ABHD2: variants seen among roughly 807,000 people sequenced by gnomAD.
ABHD2 encodes monoacylglycerol lipase ABHD2.
A neutral mutation model predicts 48.1 loss-of-function variants in ABHD2; 20 were observed. The ratio of observed to expected loss-of-function variants is 0.42; its 90% CI spans 0.29 to 0.60. The LOEUF (loss-of-function observed/expected upper bound fraction) is 0.60. Among genes scored for constraint, ABHD2 ranks in the 20% least tolerant of loss-of-function variants. The pLI is 0.24. For synonymous variants in ABHD2, 209 were observed against 214.2 expected (o/e 0.98, Z 0.21); for missense variants, 405 against 550.9 (o/e 0.74, Z 2.65).
At position 89,185,999 on chromosome 15, in the gene ABHD2, T is replaced by A. The variant is rs759251022; in HGVS notation, c.815+483T>A. ...AGAAAAGAAACCTGTCCCAAGCTAC[T>A]GAATTTGCCAAATTGCCTTATGCTT... On this transcript the variant is annotated intron_variant, in intron 7 of 10. Transcript: ENST00000352732. This position sits in a 1 kb window ranked among gnomAD's most constrained non-coding sequence, Gnocchi z 5.9. Among the ~76,000 whole-genome samples the A allele has an allele frequency of 6.6e-6, 1 of 152,212 alleles. No homozygotes were observed. Among genetic ancestry groups the A allele is most frequent in the Non-Finnish European group, 1.5e-5 (1 of 68,038 alleles).
the ABHD2 span, chr15:89,075,360 T>C: frequency 1.3e-5 from 2 of 152,144 alleles, no homozygotes; most frequent in Admixed American, 6.6e-5. This position sits in a 1 kb window ranked among gnomAD's most constrained non-coding sequence, Gnocchi z 4.1. Flanking sequence ...ATGGATGGAG[T>C]GAGCTTGCAG....
the ABHD2 span, among the ~76,000 whole-genome samples, chr15:89,074,420 G>A: frequency 1.9e-4 from 29 of 151,838 alleles, no homozygotes; most frequent in African/African-American, 7.0e-4. Context: ...CAATTCTGAT[G>A]CCAGTGTTCT....
chr15:89,078,381 A>T, the ABHD2 span, among the ~76,000 whole-genome samples: 1 of 152,244 alleles, frequency 6.6e-6, no homozygotes, highest in East Asian at 1.9e-4. Flanking sequence ...GGGACCCCAA[A>T]CTCACTATGT....
At chr15:89,056,907 CCTTT>C in the ABHD2 span, among the ~76,000 whole-genome samples, 2 of 119,094 alleles carry the variant, frequency 1.7e-5, no homozygotes, top group Non-Finnish European at 1.8e-5. Context: ...ATAAGTGATA[CCTTT>C]TTTTTTTTTT....
In ABHD2 at chr15:89,141,720, C is replaced by T. The variant is rs368999226; in HGVS notation, c.195-9957C>T. ...TGTTGTTTAGTACTTGCCTGAGCCC[C>T]AGAACTTGGTCTCTTTACCCTTTCT... On this transcript the variant is annotated intron_variant, in intron 3 of 10. Coordinates refer to ENST00000352732, the MANE Select transcript of ABHD2 (RefSeq NM_152924.5). Among the ~76,000 whole-genome samples the T allele has an allele frequency of 2.4e-3, 372 of 152,310 alleles. 1 individual carries two copies. The highest frequency in any genetic ancestry group is 8.4e-3 in the African/African-American group (351 of 41,548).
chr15:89,117,649 G>A (rs573445466), intron 3 of ABHD2, among the ~76,000 whole-genome samples: 3 of 152,328 alleles, frequency 2.0e-5, no homozygotes, highest in East Asian at 1.9e-4. Flanking sequence ...AAGTGTGTCC[G>A]TTCAGCACAT....
the ABHD2 span, among the ~76,000 whole-genome samples, chr15:89,064,519 C>T: frequency 7.9e-5 from 12 of 152,096 alleles, no homozygotes; most frequent in South Asian, 2.1e-4. Context: ...TGAGCTATCG[C>T]GCCCGGCCAA....
At chr15:89,075,744 G>C in the ABHD2 span, among the ~76,000 whole-genome samples, 1 of 152,196 alleles carries the variant, frequency 6.6e-6, no homozygotes, top group African/African-American at 2.4e-5. The surrounding 1 kb of genome is among the most constrained non-coding windows in gnomAD (Gnocchi z 4.1). Flanking sequence ...AACCACCAGG[G>C]AAGAGGGTAT....
intron 3 of ABHD2, among the ~76,000 whole-genome samples, chr15:89,143,091 C>T (rs180721311): frequency 1.4e-3 from 217 of 152,134 alleles, no homozygotes; most frequent in Non-Finnish European, 2.7e-3. Context: ...AGTCATTAAT[C>T]GTTTTTTTGT....
Position 89,190,000 on chromosome 15 carries a change from C to T in ABHD2, c.927-1080C>T, listed in dbSNP as rs143233855. Among the ~76,000 whole-genome samples, 4 of 152,176 alleles carry T rather than the reference C, an allele frequency of 2.6e-5. No individual in the cohort carries two copies. The highest frequency in any genetic ancestry group is 3.9e-4 in the East Asian group (2 of 5,176). Reference sequence around the variant, plus strand: ...ATTTCCTGCCTGCTGAGACTGCAAACGAACTGATTTCACAAGGACAGGCAT... The same window carrying T: ...ATTTCCTGCCTGCTGAGACTGCAAATGAACTGATTTCACAAGGACAGGCAT... On this transcript the variant is annotated intron_variant, in intron 8 of 10. Transcript: ENST00000352732. This position sits in a 1 kb window ranked among gnomAD's most constrained non-coding sequence, Gnocchi z 4.9.
the ABHD2 span, among the ~76,000 whole-genome samples, chr15:89,068,754 CTTTTTTTTTTTTTT>C: frequency 5.9e-4 from 42 of 71,388 alleles, no homozygotes; most frequent in African/African-American, 2.1e-3. Flanking sequence ...CAAGCTTCCT[CTTTTTTTTTTTTTT>C]TTTTTTTTTT....
the ABHD2 span, among the ~76,000 whole-genome samples, chr15:89,074,351 G>T: frequency 6.6e-6 from 1 of 152,068 alleles, no homozygotes; most frequent in Non-Finnish European, 1.5e-5. Context: ...ATCCAGCCTG[G>T]GGGGCAAGAG....
rs1313426390 is a variant in ABHD2, at chr15:89,202,079, G to A, written c.*6656G>A. The A allele has an allele frequency of 3.6e-5, 10 of 279,814 alleles. No homozygotes were observed. The highest frequency in any genetic ancestry group is 6.1e-5 in the Non-Finnish European group (9 of 147,588). The allele number at this position is 279,814 out of a possible 1,614,324, so 17.3% of individuals were successfully genotyped here. A position where few individuals can be genotyped will look rare whatever the true frequency, so the allele number is the denominator to read the frequency against. On this transcript the variant is annotated 3_prime_UTR_variant, in exon 11 of 11. Coordinates refer to ENST00000352732, the MANE Select transcript of ABHD2 (RefSeq NM_152924.5). ...TTGAGTTTGTGTTCTGAAAGCCTCC[G>A]TGCTGCTGGATCTTTGGGGGGAAAT...
chr15:89,052,546 GACAGACAGACAGACACACAC>G, the ABHD2 span, among the ~76,000 whole-genome samples: 1 of 137,068 alleles, frequency 7.3e-6, no homozygotes, highest in Non-Finnish European at 1.6e-5. Context: ...CAGACAGACA[GACAGACAGACAGACACACAC>G]ACACACACAC....
In ABHD2 at chr15:89,106,277, G is replaced by A. The variant is rs293390; in HGVS notation, c.-106-7448G>A. On this transcript the variant is annotated intron_variant, in intron 1 of 10. Transcript: ENST00000352732. The surrounding 1 kb of genome is among the most constrained non-coding windows in gnomAD (Gnocchi z 4.2). ...TGTGCCATTGCACTGCAGCTTGGGC[G>A]ACAAGAGCGAAACTCCATCTCAAAA... 0.49 allele frequency: 74,137 copies of A among 152,682 alleles called. 19,290 individuals are homozygous for A. The highest frequency in any genetic ancestry group is 0.66 in the African/African-American group (27,374 of 41,480). The allele number at this position is 152,682 out of a possible 1,614,324, so 9.5% of individuals were successfully genotyped here.
chr15:89,191,020 C>T, intron 8 of ABHD2, 60 bp from the exon 9 acceptor site: 1 of 1,560,296 alleles, frequency 6.4e-7, no homozygotes, highest in Non-Finnish European at 8.8e-7. Context: ...GCTCAGCATT[C>T]TGATCTTAAA....
At chr15:89,071,346 G>C in the ABHD2 span, among the ~76,000 whole-genome samples, 9 of 152,224 alleles carry the variant, frequency 5.9e-5, no homozygotes, top group African/African-American at 1.9e-4. Flanking sequence ...GCTTGAACCC[G>C]GGAGGTGGAG....
the ABHD2 span, among the ~76,000 whole-genome samples, chr15:89,058,031 C>T: frequency 1.3e-5 from 2 of 152,216 alleles, no homozygotes; most frequent in Non-Finnish European, 2.9e-5. Flanking sequence ...CGAATGGAAG[C>T]TCACATACTC....
At chr15:89,122,090 A>G (rs540482220) in intron 3 of ABHD2, among the ~76,000 whole-genome samples, 2 of 152,270 alleles carry the variant, frequency 1.3e-5, no homozygotes, top group South Asian at 2.1e-4. Flanking sequence ...TTGGCCTCCC[A>G]AAGCGCTGGG....
Sources: allele counts gnomAD v4.1 joint callset (sites outside exome capture counted in the v4.1 genomes callset), GRCh38; gene constraint gnomAD v4.1.1; non-coding constraint Gnocchi (gnomAD v3.1); transcripts MANE v1.5; gene names NCBI Gene and HGNC (gene_info 2026-07-23, HGNC 2026-07-21).